PCDHGA5: variants seen among roughly 807,000 people sequenced by gnomAD.
PCDHGA5 encodes the protein protocadherin gamma-A5.
Under a neutral mutation model 56.7 loss-of-function variants are expected in PCDHGA5, and 36 were observed. The ratio of observed to expected loss-of-function variants is 0.64; its 90% CI spans 0.49 to 0.84. The LOEUF (loss-of-function observed/expected upper bound fraction) is 0.84. PCDHGA5 is among the 40% of genes least tolerant of loss of function. The pLI, the probability that PCDHGA5 is intolerant of heterozygous loss-of-function variation, is 0.00. For missense variants in PCDHGA5, 1,305 were observed against 1,201.5 expected (o/e 1.09, Z -1.27); for synonymous variants, 563 against 520.2 (o/e 1.08, Z -1.12).
At chr5:141,433,847 A>AAAAAAAC (rs1296633381) in intron 1 of PCDHGA5, among the ~76,000 whole-genome samples, 1 of 151,976 alleles carries the variant, frequency 6.6e-6, no homozygotes, top group Non-Finnish European at 1.5e-5. Flanking sequence ...CAAAAAAAAA[A>AAAAAAAC]AAAAAAAACT....
intron 1 of PCDHGA5, among the ~76,000 whole-genome samples, chr5:141,453,574 G>T (rs1285296493): frequency 6.6e-6 from 1 of 152,084 alleles, no homozygotes; most frequent in Non-Finnish European, 1.5e-5. Context: ...TCATTAGTTT[G>T]TGGTTTATCC....
chr5:141,413,442 C>T, intron 1 of PCDHGA5: 5 of 1,614,090 alleles, frequency 3.1e-6, no homozygotes, highest in Non-Finnish European at 8.5e-7. Flanking sequence ...GCAGCTTGAT[C>T]ACCGCGGGCA....
intron 1 of PCDHGA5, chr5:141,413,140 A>G: frequency 1.3e-6 from 2 of 1,563,150 alleles, no homozygotes; most frequent in Non-Finnish European, 1.7e-6. Context: ...CAACGTGTCC[A>G]GTGAGGACTT....
At chr5:141,430,877 G>A (rs1392342627) in intron 1 of PCDHGA5, 5 of 1,600,678 alleles carry the variant, frequency 3.1e-6, no homozygotes, top group African/African-American at 2.7e-5. Context: ...GGAAGAGCTG[G>A]AGAAAGGCTC....
intron 1 of PCDHGA5, chr5:141,403,871 C>T: frequency 1.2e-6 from 2 of 1,613,602 alleles, no homozygotes; most frequent in Admixed American, 1.7e-5. Flanking sequence ...AGCAAAAAGT[C>T]TAGATTATGA....
At chr5:141,389,243 T>C (rs370534911) in intron 1 of PCDHGA5, 4 of 1,614,056 alleles carry the variant, frequency 2.5e-6, no homozygotes, top group Non-Finnish European at 3.4e-6. Flanking sequence ...TCTCACAGTC[T>C]TCCTATATAG....
intron 1 of PCDHGA5, among the ~76,000 whole-genome samples, chr5:141,405,668 G>A (rs1468042334): frequency 6.6e-6 from 1 of 152,100 alleles, no homozygotes; most frequent in Non-Finnish European, 1.5e-5. Context: ...AGTAGAGACG[G>A]GGTGTCACCA....
chr5:141,418,987 A>AG (rs781016682), intron 1 of PCDHGA5: 1 of 1,613,974 alleles, frequency 6.2e-7, no homozygotes, highest in South Asian at 1.1e-5. Context: ...ACCAAGACTC[A>AG]GGGGAAAATG....
At chr5:141,398,916 A>G (rs2150766485) in intron 1 of PCDHGA5, 1 of 1,614,022 alleles carries the variant, frequency 6.2e-7, no homozygotes, top group Non-Finnish European at 8.5e-7. Context: ...CTGTGTTGCA[A>G]GTGTCAGCCA....
chr5:141,478,428 C>T (rs2154576655), intron 1 of PCDHGA5: 1 of 1,613,746 alleles, frequency 6.2e-7, no homozygotes, highest in Non-Finnish European at 8.5e-7. Flanking sequence ...CGCAGCGACC[C>T]GCTGCTGAAG....
rs1763205286 is a variant in PCDHGA5, at chr5:141,364,182, A to G, written c.-149A>G. On this transcript the variant is annotated 5_prime_UTR_variant, in exon 1 of 4. Transcript: ENST00000518069. The stretch of plus-strand genomic sequence containing the variant: ...GAGGCGACCCGACTCTGCTCCCTCC[A>G]TACTAAACACACAGACCAGACAAGC... The G allele has an allele frequency of 1.1e-6, 1 of 942,924 alleles. No homozygotes were observed. The highest frequency in any genetic ancestry group is 1.5e-6 in the Non-Finnish European group (1 of 667,500). 58.4% of individuals were successfully genotyped at this position (942,924 alleles called of 1,614,324 possible).
At chr5:141,393,559 T>A (rs1349401032) in intron 1 of PCDHGA5, 1 of 1,613,814 alleles carries the variant, frequency 6.2e-7, no homozygotes, top group Non-Finnish European at 8.5e-7. Context: ...ATTTACCGAG[T>A]GAAAGTCCTT....
At chr5:141,415,871 G>T (rs2095966585) in intron 1 of PCDHGA5, 2 of 1,074,308 alleles carry the variant, frequency 1.9e-6, no homozygotes, top group South Asian at 2.3e-5. Context: ...TAGTGTTGTT[G>T]AGTACAATAT....
At chr5:141,367,332 A>T (rs957450702) in intron 1 of PCDHGA5, 3 of 152,294 alleles carry the variant, frequency 2.0e-5, no homozygotes, top group African/African-American at 4.8e-5. Flanking sequence ...AGGTCAGGAG[A>T]TCGAGACCAT....
rs1299979776 is a variant in PCDHGA5 at position 141,512,453 on chromosome 5, G to GC, written c.*1282dup. On this transcript the variant is annotated 3_prime_UTR_variant, in exon 4 of 4. Transcript: ENST00000518069. ...TCCTGAAGCCTCAGTCCTTCACCTT[G>GC]CCAGGTGCCGTTTCTCTTCCGTGAA... The GC allele has an allele frequency of 6.5e-6, 1 of 152,880 alleles. No homozygotes were observed. The allele number at this position is 152,880 out of a possible 1,614,324, so 9.5% of individuals were successfully genotyped here.
chr5:141,385,219 A>C, intron 1 of PCDHGA5: 1 of 1,614,236 alleles, frequency 6.2e-7, no homozygotes, highest in Non-Finnish European at 8.5e-7. Flanking sequence ...CCCCCAGCCC[A>C]ACTATGTAGA....
At chr5:141,375,449 TC>T in intron 1 of PCDHGA5, 1 of 1,613,978 alleles carries the variant, frequency 6.2e-7, no homozygotes, top group Non-Finnish European at 8.5e-7. Context: ...CCCCCATTCA[TC>T]CTACTCAGTC....
chr5:141,376,214 C>T, intron 1 of PCDHGA5: 1 of 1,614,204 alleles, frequency 6.2e-7, no homozygotes, highest in Non-Finnish European at 8.5e-7. Flanking sequence ...CGTCATCGTG[C>T]TGCTGGCGCT....
Position 141,485,842 on chromosome 5 carries a change from T to G in PCDHGA5, c.2422-8965T>G. 4 of 1,614,002 alleles carry G rather than the reference T, an allele frequency of 2.5e-6. No homozygotes were observed. The highest frequency in any genetic ancestry group is 3.4e-6 in the Non-Finnish European group (4 of 1,179,982). On this transcript the variant is annotated intron_variant, in intron 1 of 3. Coordinates refer to ENST00000518069, the MANE Select transcript of PCDHGA5 (RefSeq NM_018918.3). The surrounding 1 kb of genome is among the most constrained non-coding windows in gnomAD (Gnocchi z 5.7). ...TCGATGGAGGGAACCCGCCGAGATC[T>G]GGCACCGCAGAGCTCCGGGTATCCG...
Sources: gnomAD v4.1 joint callset for allele counts (sites outside exome capture counted in the v4.1 genomes callset) on GRCh38, gnomAD v4.1.1 for gene constraint, Gnocchi (gnomAD v3.1) non-coding constraint, MANE v1.5 for transcripts, NCBI Gene and HGNC (gene_info 2026-07-23, HGNC 2026-07-21) for gene names.